Variants in ABCA13 observed in about 807,000 individuals in gnomAD.
ABCA13 encodes ATP binding cassette subfamily A member 13.
ABCA13 carries 476 observed loss-of-function variants against 478.7 expected under a neutral mutation model. The ratio of observed to expected loss-of-function variants is 0.99; its 90% confidence interval spans 0.92 to 1.07. The LOEUF (loss-of-function observed/expected upper bound fraction) is 1.07. Ranked by LOEUF, ABCA13 falls within the 50% of genes least tolerant of loss-of-function variation. The probability of loss-of-function intolerance (pLI) is 0.00; values close to 1 mark genes in which losing one functional copy is unlikely to be tolerated. For missense variants in ABCA13, 6,060 were observed against 5,910.6 expected (o/e 1.03, Z -0.83); for synonymous variants, 2,252 against 2,158.9 (o/e 1.04, Z -1.20).
At chr7:48,497,375 T>C (rs1830367067) in intron 48 of ABCA13, among the ~76,000 whole-genome samples, 1 of 152,252 alleles carries the variant, frequency 6.6e-6, no homozygotes, top group African/African-American at 2.4e-5. Flanking sequence ...ATCTTTATGA[T>C]ACATATTGTC....
intron 24 of ABCA13, among the ~76,000 whole-genome samples, chr7:48,311,971 C>T (rs568360343): frequency 1.3e-5 from 2 of 152,312 alleles, no homozygotes; most frequent in East Asian, 3.9e-4. Flanking sequence ...GGGCCAGTCA[C>T]TGTGTGCCAC....
At chr7:48,400,094 A>T (rs1472497570) in intron 38 of ABCA13, among the ~76,000 whole-genome samples, 4 of 147,094 alleles carry the variant, frequency 2.7e-5, no homozygotes, top group Admixed American at 6.8e-5. Flanking sequence ...CACTTCACTT[A>T]CTCTCACTAC....
At chr7:48,635,707 G>C (rs1167131989) in intron 59 of ABCA13, among the ~76,000 whole-genome samples, 1 of 152,184 alleles carries the variant, frequency 6.6e-6, no homozygotes, top group African/African-American at 2.4e-5. Flanking sequence ...GTGGGAGAGA[G>C]CCCTGTGTTC....
chr7:48,174,464 T>A (rs1583951759), intron 1 of ABCA13, among the ~76,000 whole-genome samples: 1 of 152,160 alleles, frequency 6.6e-6, no homozygotes, highest in Admixed American at 6.5e-5. Flanking sequence ...TCAAAAAACA[T>A]CTTATTATAG....
At chr7:48,510,137 A>G (rs948809506) in intron 50 of ABCA13, among the ~76,000 whole-genome samples, 1 of 151,644 alleles carries the variant, frequency 6.6e-6, no homozygotes, top group African/African-American at 2.4e-5. Flanking sequence ...GAGGAAGCAG[A>G]AAAACTAGTA....
chr7:48,614,018 ATAAT>A (rs1468182603), intron 58 of ABCA13, among the ~76,000 whole-genome samples: 1 of 148,848 alleles, frequency 6.7e-6, no homozygotes, highest in Non-Finnish European at 1.5e-5. Flanking sequence ...TATTTTACAT[ATAAT>A]TAATTTACTT....
At chr7:48,216,930 G>A (rs961458632) in intron 3 of ABCA13, among the ~76,000 whole-genome samples, 1 of 152,086 alleles carries the variant, frequency 6.6e-6, no homozygotes, top group African/African-American at 2.4e-5. Context: ...AAGCTTTCTG[G>A]AATTTCTCTC....
chr7:48,428,833 G>A (rs79241711), intron 42 of ABCA13, among the ~76,000 whole-genome samples: 1,598 of 152,200 alleles, frequency 0.01, 27 homozygotes, highest in African/African-American at 0.036. Context: ...TCATATAAAT[G>A]GGACCATTCA....
At chr7:48,172,185 T>G (rs778352300) in intron 1 of ABCA13, among the ~76,000 whole-genome samples, 2 of 152,256 alleles carry the variant, frequency 1.3e-5, no homozygotes, top group Non-Finnish European at 2.9e-5. Flanking sequence ...TGCTTGTTAT[T>G]ATGACTAACT....
chr7:48,630,866 G>T (rs1794108037), intron 59 of ABCA13, among the ~76,000 whole-genome samples: 1 of 150,840 alleles, frequency 6.6e-6, no homozygotes, highest in Admixed American at 6.6e-5. Context: ...GTGTGAAATA[G>T]TATTTCACTG....
At chr7:48,539,781 A>G (rs1385820389) in intron 55 of ABCA13, among the ~76,000 whole-genome samples, 1 of 152,238 alleles carries the variant, frequency 6.6e-6, no homozygotes. Flanking sequence ...TATACCACAT[A>G]AAATCCACCT....
At chr7:48,534,323 G>A (rs1230629986) in intron 55 of ABCA13, among the ~76,000 whole-genome samples, 3 of 152,060 alleles carry the variant, frequency 2.0e-5, no homozygotes, top group Admixed American at 6.5e-5. Context: ...TAGCTTTCAG[G>A]ATTTCTTCTG....
chr7:48,272,385 T>A lies in ABCA13; in HGVS notation c.2719T>A (p.Phe907Ile), dbSNP rs781449773. Residue 907 changes from phenylalanine (F) to isoleucine (I), a missense_variant, in exon 17 of 62, where the codon TTT becomes ATT. Phe to Ile is a conservative substitution (Grantham distance 21). This residue lies in a region of ABCA13 where 4,423 missense variants were observed against 4,309.1 expected (regional missense o/e 1.03). Coordinates refer to ENST00000435803, the MANE Select transcript of ABCA13 (RefSeq NM_152701.5). Reference sequence around the variant, plus strand: ...AATAACTAGTCTCCATGAATTTGGATTTTTGGAGCAGGAACAGATCTCAGA... The same window carrying A: ...AATAACTAGTCTCCATGAATTTGGAATTTTGGAGCAGGAACAGATCTCAGA... ...AIITSLHEFG[F>I]LEQEQISEAL... 6.2e-7 allele frequency: 1 copy of A among 1,613,776 alleles called. No individual in the cohort carries two copies.
At chr7:48,231,007 G>A (rs1364268181) in intron 7 of ABCA13, among the ~76,000 whole-genome samples, 5 of 152,208 alleles carry the variant, frequency 3.3e-5, no homozygotes, top group South Asian at 2.1e-4. Flanking sequence ...TCCAGTCGTC[G>A]GGTCGGGGGA....
intron 15 of ABCA13, among the ~76,000 whole-genome samples, chr7:48,255,091 G>T (rs1333220137): frequency 1.3e-5 from 2 of 152,108 alleles, no homozygotes; most frequent in Non-Finnish European, 2.9e-5. Context: ...GGAAGGGTTG[G>T]ACTACAACAA....
intron 55 of ABCA13, among the ~76,000 whole-genome samples, chr7:48,542,319 T>C (rs1270954840): frequency 6.6e-6 from 1 of 151,814 alleles, no homozygotes; most frequent in Admixed American, 6.6e-5. Flanking sequence ...TTCATTTTTA[T>C]TTATGAAGTA....
At chr7:48,644,420 C>T (rs1795301741) in intron 60 of ABCA13, among the ~76,000 whole-genome samples, 197 bp from the exon 61 acceptor site, 1 of 152,154 alleles carries the variant, frequency 6.6e-6, no homozygotes, top group Non-Finnish European at 1.5e-5. Context: ...AACAGCAATG[C>T]CACTCAGTTG....
chr7:48,570,439 C>T (rs953483457), intron 55 of ABCA13, among the ~76,000 whole-genome samples: 5 of 150,502 alleles, frequency 3.3e-5, no homozygotes, highest in Admixed American at 2.0e-4. Context: ...ATTCTCCTGC[C>T]TCAGCCTCCC....
intron 47 of ABCA13, among the ~76,000 whole-genome samples, chr7:48,485,742 G>A (rs984486975): frequency 1.3e-5 from 2 of 152,306 alleles, no homozygotes; most frequent in South Asian, 2.1e-4. Flanking sequence ...TCATGAGTCT[G>A]TGGGATTGTG....
Sources: allele counts gnomAD v4.1 joint callset (sites outside exome capture counted in the v4.1 genomes callset), GRCh38; gene constraint gnomAD v4.1.1; regional missense constraint gnomAD v4.1.1; transcripts MANE v1.5; gene names NCBI Gene and HGNC (gene_info 2026-07-23, HGNC 2026-07-21).